Variants in EMC3 observed in about 807,000 individuals in gnomAD.
EMC3 encodes the protein ER membrane protein complex subunit 3, also known as 30 kDa protein.
Under a neutral mutation model 36.6 loss-of-function variants are expected in EMC3, and 13 were observed. The ratio of observed to expected loss-of-function variants is 0.35; its 90% CI spans 0.23 to 0.56. The LOEUF is 0.56. Among genes scored for constraint, EMC3 ranks in the 20% least tolerant of loss-of-function variants. EMC3 has a pLI of 0.84. For synonymous variants in EMC3, 120 were observed against 111.9 expected (o/e 1.07, Z -0.46); for missense variants, 220 against 324.5 (o/e 0.68, Z 2.47).
intron 1 of EMC3, chr3:10,000,789 C>A: frequency 2.1e-6 from 1 of 487,710 alleles, no homozygotes; most frequent in South Asian, 1.5e-5. Flanking sequence ...TGCCTTTGTT[C>A]TTATTGGTGT....
At chr3:9,971,414 G>A (rs1469864261) in intron 5 of EMC3, among the ~76,000 whole-genome samples, 2 of 152,024 alleles carry the variant, frequency 1.3e-5, no homozygotes, top group African/African-American at 2.4e-5. Context: ...CATATGGGAA[G>A]TGATAGATAA....
At chr3:9,977,320 A>G in intron 2 of EMC3, 69 bp downstream of exon 2, 1 of 1,444,802 alleles carries the variant, frequency 6.9e-7, no homozygotes, top group African/African-American at 1.4e-5. Flanking sequence ...GAGCCCCCTT[A>G]TAAAACATTC....
At chr3:9,986,992 GA>G (rs907393406), upstream of EMC3, 5 of 1,091,034 alleles carry the variant, frequency 4.6e-6, no homozygotes, top group Non-Finnish European at 5.6e-6. Flanking sequence ...AAGGTGGGGG[GA>G]TCACGAGGTC....
chr3:9,963,477 A>ATATATATATT lies in EMC3; in HGVS notation c.*591_*592insAATATATATA, dbSNP rs61596273. 8.8e-3 allele frequency: 778 copies of ATATATATATT among 88,670 alleles called. 3 individuals carry two copies. Among genetic ancestry groups the ATATATATATT allele is most frequent in the Non-Finnish European group, 0.012 (547 of 46,114 alleles). 5.5% of individuals were successfully genotyped at this position (88,670 alleles called of 1,614,324 possible). ...TAGATATATATATATATATATATAT[A>ATATATATATT]TTTTTTTTTTTTTTTCAGATGGAGT... On this transcript the variant is annotated 3_prime_UTR_variant, in exon 8 of 8. Transcript: ENST00000245046.
chr3:10,007,659 T>G, intron 1 of EMC3: 1 of 1,349,636 alleles, frequency 7.4e-7, no homozygotes, highest in Non-Finnish European at 9.9e-7. Flanking sequence ...ATGGGGGCTT[T>G]CATAAGGTAG....
intron 1 of EMC3, among the ~76,000 whole-genome samples, chr3:9,979,327 A>G (rs1195112247): frequency 6.6e-6 from 1 of 152,234 alleles, no homozygotes; most frequent in Non-Finnish European, 1.5e-5. Flanking sequence ...GTATTAGCCT[A>G]TAAGAGATTA....
At chr3:9,966,496 C>T (rs1231244167) in intron 7 of EMC3, among the ~76,000 whole-genome samples, 2 of 151,126 alleles carry the variant, frequency 1.3e-5, no homozygotes, top group South Asian at 2.1e-4. Context: ...GCTGGGATTA[C>T]AGGCGTGAGC....
chr3:10,000,311 A>G (rs2086182777), intron 1 of EMC3, among the ~76,000 whole-genome samples: 1 of 152,160 alleles, frequency 6.6e-6, no homozygotes, highest in South Asian at 2.1e-4. Flanking sequence ...AAGTGCTAGG[A>G]TTACAGGCAT....
At chr3:9,970,096 T>C (rs775140403) in intron 6 of EMC3, among the ~76,000 whole-genome samples, 2 of 152,200 alleles carry the variant, frequency 1.3e-5, no homozygotes, top group Non-Finnish European at 2.9e-5. Context: ...ACTAAGTGCT[T>C]TGCATATTTT....
chr3:9,969,256 G>C (rs1222985938), intron 7 of EMC3: 2 of 966,872 alleles, frequency 2.1e-6, no homozygotes, highest in Non-Finnish European at 2.6e-6. Flanking sequence ...CCCTGTGCCT[G>C]GCCGGAACTT....
intron 1 of EMC3, among the ~76,000 whole-genome samples, chr3:9,996,304 G>A (rs1270549095): frequency 6.6e-6 from 1 of 152,072 alleles, no homozygotes; most frequent in African/African-American, 2.4e-5. Flanking sequence ...AATTAGCCAG[G>A]TGTGGTGGCA....
chr3:9,973,482 C>T, intron 5 of EMC3, 146 bp downstream of exon 5: 1 of 674,748 alleles, frequency 1.5e-6, no homozygotes. Context: ...TCGTGAGCCA[C>T]TGCGCCCGGC....
rs1209408583 is a variant in EMC3, at chr3:9,963,471, A to ATTTTTTTTTT, written c.*597_*598insAAAAAAAAAA. 5.5e-5 allele frequency: 6 copies of ATTTTTTTTTT among 109,910 alleles called. No individual in the cohort carries two copies. The highest frequency in any genetic ancestry group is 2.1e-4 in the African/African-American group (6 of 28,438). 6.8% of individuals were successfully genotyped at this position (109,910 alleles called of 1,614,324 possible). The stretch of plus-strand genomic sequence containing the variant: ...CTAAGATAGATATATATATATATAT[A>ATTTTTTTTTT]TATATATTTTTTTTTTTTTTTCAGA... On this transcript the variant is annotated 3_prime_UTR_variant, in exon 8 of 8. Coordinates refer to ENST00000245046, the MANE Select transcript of EMC3 (RefSeq NM_001394674.1).
intron 1 of EMC3, among the ~76,000 whole-genome samples, chr3:10,000,319 C>T (rs780695891): frequency 3.9e-5 from 6 of 152,148 alleles, no homozygotes; most frequent in Non-Finnish European, 8.8e-5. Context: ...GGATTACAGG[C>T]ATGAGCTACT....
chr3:9,969,873 G>A, intron 6 of EMC3, 72 bp from the exon 7 acceptor site: 1 of 1,579,696 alleles, frequency 6.3e-7, no homozygotes, highest in South Asian at 1.2e-5. Flanking sequence ...GGAAGAATGG[G>A]CTTCACACAG....
intron 5 of EMC3, among the ~76,000 whole-genome samples, chr3:9,972,189 G>C (rs184491328): frequency 7.9e-5 from 12 of 151,346 alleles, no homozygotes; most frequent in African/African-American, 2.7e-4. Flanking sequence ...CCAGTGACTA[G>C]AACTAATGAA....
intron 7 of EMC3, chr3:9,969,105 G>A (rs758755795): frequency 3.2e-4 from 52 of 160,750 alleles, no homozygotes; most frequent in Non-Finnish European, 6.0e-4. Context: ...GATTACAGGC[G>A]TGAGCCACCG....
chr3:9,967,014 C>A (rs987579307), intron 7 of EMC3, among the ~76,000 whole-genome samples: 1 of 152,158 alleles, frequency 6.6e-6, no homozygotes. Context: ...AGTTTTATGT[C>A]CCCTTAAACA....
Position 9,963,925 on chromosome 3 carries a change from C to T in EMC3, c.*144G>A. 1 of 1,395,020 alleles carries T rather than the reference C, an allele frequency of 7.2e-7. No homozygotes were observed. Among genetic ancestry groups the T allele is most frequent in the Non-Finnish European group, 9.7e-7 (1 of 1,027,436 alleles). The allele number at this position is 1,395,020 out of a possible 1,614,324, so 86.4% of individuals were successfully genotyped here. A position where few individuals can be genotyped will look rare whatever the true frequency, so the allele number is the denominator to read the frequency against. On this transcript the variant is annotated 3_prime_UTR_variant, in exon 8 of 8. Coordinates refer to ENST00000245046, the MANE Select transcript of EMC3 (RefSeq NM_001394674.1). ...CTCTAGTTTCAAACATAAAGGGGAA[C>T]CCAGCCCAGACAAGAACAAGCCTTG...
Sources: gnomAD v4.1 joint callset for allele counts (sites outside exome capture counted in the v4.1 genomes callset) on GRCh38, gnomAD v4.1.1 for gene constraint, MANE v1.5 for transcripts, NCBI Gene and HGNC (gene_info 2026-07-23, HGNC 2026-07-21) for gene names.